Variants in THSD7B observed in about 807,000 individuals in gnomAD.
The protein encoded by THSD7B is thrombospondin type 1 domain containing 7B.
A neutral mutation model predicts 213.6 loss-of-function variants in THSD7B; 138 were observed. The observed-to-expected ratio is 0.65, with a 90% CI of 0.56 to 0.74. The LOEUF (loss-of-function observed/expected upper bound fraction) is 0.74, where lower values mean the gene tolerates loss of function less well. Among genes scored for constraint, THSD7B ranks in the 30% least tolerant of loss-of-function variants. The pLI is 0.00. For missense variants in THSD7B, 1,931 were observed against 1,991.5 expected (o/e 0.97, Z 0.58); for synonymous variants, 742 against 687.0 (o/e 1.08, Z -1.25).
chr2:136,997,014 C>T (rs1685904850), intron 2 of THSD7B, among the ~76,000 whole-genome samples: 1 of 152,166 alleles, frequency 6.6e-6, no homozygotes, highest in Non-Finnish European at 1.5e-5. Context: ...ACTGTTTTGT[C>T]TACTCTTTAT....
intron 2 of THSD7B, among the ~76,000 whole-genome samples, chr2:136,959,181 G>A (rs961684341): frequency 6.6e-6 from 1 of 152,178 alleles, no homozygotes; most frequent in African/African-American, 2.4e-5. Context: ...TGATATAACA[G>A]TTTCGGCTAA....
intron 1 of THSD7B, among the ~76,000 whole-genome samples, chr2:136,850,676 G>A (rs977632699): frequency 6.6e-6 from 1 of 151,268 alleles, no homozygotes; most frequent in Admixed American, 6.6e-5. Flanking sequence ...TTTGTTGCTT[G>A]GCAATGAATA....
rs769386913 is a variant in THSD7B, at chr2:137,659,747, G to A, written c.4458+1G>A. Reference sequence around the variant, plus strand: ...AAAACCTTTCTCCTACTGTACACAGGTGAGTCATGTGCTGGAGTCTTCTAT... The same window carrying A: ...AAAACCTTTCTCCTACTGTACACAGATGAGTCATGTGCTGGAGTCTTCTAT... On this transcript the variant is annotated splice_donor_variant, in intron 25 of 27. Coordinates refer to ENST00000409968, the MANE Select transcript of THSD7B (RefSeq NM_001316349.2). LOFTEE classifies it high-confidence loss of function. 4.4e-6 allele frequency: 7 copies of A among 1,598,636 alleles called. No homozygotes were observed. The highest frequency in any genetic ancestry group is 6.0e-6 in the Non-Finnish European group (7 of 1,172,296).
chr2:137,561,669 C>A (rs898203581), intron 15 of THSD7B, among the ~76,000 whole-genome samples: 1 of 152,048 alleles, frequency 6.6e-6, no homozygotes, highest in Non-Finnish European at 1.5e-5. Flanking sequence ...TGGTTGGGGT[C>A]CTATCTCTTC....
intron 15 of THSD7B, among the ~76,000 whole-genome samples, chr2:137,480,151 G>A (rs571122668): frequency 1.1e-4 from 17 of 151,956 alleles, no homozygotes; most frequent in Middle Eastern, 3.2e-3. Flanking sequence ...CTCTCTAGGC[G>A]ATCTATTCAA....
chr2:137,583,116 C>A (rs564506235), intron 17 of THSD7B, among the ~76,000 whole-genome samples: 33 of 152,268 alleles, frequency 2.2e-4, no homozygotes, highest in African/African-American at 7.0e-4. Flanking sequence ...TTTCATGTGT[C>A]TGTTGGCTGC....
rs534679766 is a variant in THSD7B at position 137,224,349 on chromosome 2, T to C, written c.1724-6695T>C. ...CTTGAGTATCTGTAGAGCATCATGA[T>C]TAAGAAACATACTCTGACTAGGTTG... On this transcript the variant is annotated intron_variant, in intron 7 of 27. Transcript: ENST00000409968. Among the ~76,000 whole-genome samples, 3 of 152,308 alleles carry C rather than the reference T, an allele frequency of 2.0e-5. No individual in the cohort carries two copies. The East Asian group carries it at 5.8e-4, about 29-fold the overall frequency.
chr2:137,260,743 T>A (rs142325169), intron 10 of THSD7B, among the ~76,000 whole-genome samples: 3 of 152,300 alleles, frequency 2.0e-5, no homozygotes, highest in African/African-American at 7.2e-5. Flanking sequence ...CCAGCCTAGG[T>A]GACAGAGTGA....
chr2:137,333,717 C>G (rs1461389195), intron 12 of THSD7B, among the ~76,000 whole-genome samples: 3 of 152,232 alleles, frequency 2.0e-5, no homozygotes, highest in Non-Finnish European at 4.4e-5. Flanking sequence ...CAGGCACTTT[C>G]TCTTCACTCC....
intron 3 of THSD7B, among the ~76,000 whole-genome samples, chr2:137,093,360 G>A (rs980638184): frequency 3.9e-5 from 6 of 152,162 alleles, no homozygotes; most frequent in African/African-American, 1.4e-4. Flanking sequence ...GTTCTCAGGA[G>A]TTTGGGAGAG....
chr2:136,982,310 C>A (rs1206557742), intron 2 of THSD7B, among the ~76,000 whole-genome samples: 8 of 151,846 alleles, frequency 5.3e-5, no homozygotes, highest in Admixed American at 4.6e-4. Context: ...GCTATGTGAG[C>A]AAATTGTACT....
intron 13 of THSD7B, among the ~76,000 whole-genome samples, chr2:137,409,992 G>A (rs754209893): frequency 6.6e-6 from 1 of 152,128 alleles, no homozygotes; most frequent in Non-Finnish European, 1.5e-5. Flanking sequence ...AGTGGGTTTA[G>A]AAGAGAAATG....
At chr2:136,905,045 G>A (rs1181409745) in intron 2 of THSD7B, among the ~76,000 whole-genome samples, 3 of 152,142 alleles carry the variant, frequency 2.0e-5, no homozygotes, top group East Asian at 3.9e-4. Flanking sequence ...TGTGTAATGC[G>A]ATCCTCATGG....
chr2:137,365,992 A>C (rs1433865294), intron 12 of THSD7B, among the ~76,000 whole-genome samples: 4 of 152,244 alleles, frequency 2.6e-5, no homozygotes, highest in African/African-American at 9.6e-5. Flanking sequence ...GAACCAACCC[A>C]AATGTCCATC....
At chr2:136,964,692 CTCT>C (rs930299948) in intron 2 of THSD7B, among the ~76,000 whole-genome samples, 27 of 152,242 alleles carry the variant, frequency 1.8e-4, no homozygotes, top group African/African-American at 5.3e-4. Context: ...CATCTCATTT[CTCT>C]TCTTCTCTAT....
At chr2:136,994,867 A>G (rs1454747634) in intron 2 of THSD7B, among the ~76,000 whole-genome samples, 1 of 152,168 alleles carries the variant, frequency 6.6e-6, no homozygotes, top group African/African-American at 2.4e-5. Flanking sequence ...CATTTTTCTA[A>G]AAGTAGGAAA....
chr2:136,800,681 A>G (rs905739943), intron 1 of THSD7B, among the ~76,000 whole-genome samples: 4 of 147,586 alleles, frequency 2.7e-5, no homozygotes, highest in African/African-American at 9.7e-5. Flanking sequence ...GCAGATTTGT[A>G]TGGGCTTCCG....
chr2:137,620,842 T>G (rs1682506763), intron 20 of THSD7B, 116 bp downstream of exon 20: 7 of 813,630 alleles, frequency 8.6e-6, no homozygotes, highest in African/African-American at 3.5e-5. Context: ...AATATGAAAC[T>G]GACCCACAGG....
chr2:136,859,714 T>C (rs1683230549), intron 1 of THSD7B, among the ~76,000 whole-genome samples: 1 of 152,212 alleles, frequency 6.6e-6, no homozygotes, highest in Non-Finnish European at 1.5e-5. Context: ...CAGTGCGTTT[T>C]TATGTTCATC....
Sources: allele counts gnomAD v4.1 joint callset (sites outside exome capture counted in the v4.1 genomes callset), GRCh38; gene constraint gnomAD v4.1.1; transcripts MANE v1.5; gene names NCBI Gene and HGNC (gene_info 2026-07-23, HGNC 2026-07-21).